Variants in ARSG observed in about 807,000 individuals in gnomAD.
ARSG encodes arylsulfatase G.
ARSG carries 37 observed loss-of-function variants against 50.5 expected under a neutral mutation model. The ratio of observed to expected loss-of-function variants is 0.73; its 90% CI spans 0.56 to 0.96. ARSG has a LOEUF of 0.96. Ranked by LOEUF, ARSG falls within the 50% of genes least tolerant of loss-of-function variation. ARSG has a pLI of 0.00. For synonymous variants in ARSG, 225 were observed against 254.6 expected (o/e 0.88, Z 1.11); for missense variants, 629 against 675.3 (o/e 0.93, Z 0.76).
In ARSG at chr17:68,356,826, G is replaced by A. The variant is rs181029007; in HGVS notation, c.704+22G>A. ...CAAGGTGAGGAGTCTCCCTCCCTCC[G>A]CAGGGCCTCCCCCTGCCTCCACCTA... On this transcript the variant is annotated intron_variant, in intron 6 of 11. Coordinates refer to ENST00000621439, the MANE Select transcript of ARSG (RefSeq NM_001267727.2). 1.3e-3 allele frequency: 2,098 copies of A among 1,613,798 alleles called. 18 individuals carry two copies. The highest frequency in any genetic ancestry group is 4.2e-3 in the East Asian group (188 of 44,868).
chr17:68,317,841 G>A (rs1017902063), intron 2 of ARSG, among the ~76,000 whole-genome samples: 6 of 152,360 alleles, frequency 3.9e-5, no homozygotes, highest in Admixed American at 3.9e-4. Flanking sequence ...GCTCATGCCT[G>A]TAATCCCAGC....
intron 11 of ARSG, among the ~76,000 whole-genome samples, chr17:68,416,770 T>G (rs1342155155): frequency 7.0e-6 from 1 of 143,414 alleles, no homozygotes; most frequent in African/African-American, 2.4e-5. Context: ...GCTGAGACTT[T>G]CCAGAGCATT....
chr17:68,328,614 A>G (rs2077598245), intron 2 of ARSG, among the ~76,000 whole-genome samples: 1 of 152,230 alleles, frequency 6.6e-6, no homozygotes, highest in African/African-American at 2.4e-5. Flanking sequence ...CTCCCCAGCT[A>G]GCTCTGTCGT....
chr17:68,351,764 T>A, intron 5 of ARSG, 78 bp downstream of exon 5: 1 of 927,632 alleles, frequency 1.1e-6, no homozygotes, highest in Non-Finnish European at 1.8e-6. Context: ...AGCAATAAAT[T>A]AAAGATGCAG....
the ARSG span, chr17:68,430,290 C>T: frequency 2.3e-6 from 2 of 879,276 alleles, no homozygotes; most frequent in South Asian, 3.5e-5. Context: ...GCATAATGTT[C>T]TGCCCACTGA....
chr17:68,295,734 C>T (rs1003755859), intron 1 of ARSG, among the ~76,000 whole-genome samples: 133 of 135,316 alleles, frequency 9.8e-4, no homozygotes, highest in Non-Finnish European at 1.5e-3. Context: ...GGCTGGAGTG[C>T]AGTGGCGCGA....
At chr17:68,440,160 G>A in the ARSG span, among the ~76,000 whole-genome samples, 2 of 152,084 alleles carry the variant, frequency 1.3e-5, no homozygotes, top group African/African-American at 2.4e-5. Flanking sequence ...CTCCAGGCTC[G>A]CACCTCTACC....
At chr17:68,434,606 G>C in the ARSG span, 1 of 1,614,046 alleles carries the variant, frequency 6.2e-7, no homozygotes, top group East Asian at 2.2e-5. Context: ...CAGGGACAGA[G>C]AACACCCGGA....
chr17:68,384,937 AAAAGTCATTCCTTTGTTGGGGTTATTGG>A, intron 8 of ARSG, 99 bp from the exon 9 acceptor site: 1 of 696,250 alleles, frequency 1.4e-6, no homozygotes, highest in Non-Finnish European at 2.5e-6. Flanking sequence ...TGGTTACCAA[AAAAGTCATTCCTTTGTTGGGGTTATTGG>A]AAACTCAGAG....
intron 8 of ARSG, among the ~76,000 whole-genome samples, chr17:68,377,281 C>T (rs1045815916): frequency 6.6e-6 from 1 of 152,258 alleles, no homozygotes; most frequent in Non-Finnish European, 1.5e-5. Context: ...CTCTGACCAT[C>T]ACTGGCTCAT....
downstream of ARSG, among the ~76,000 whole-genome samples, chr17:68,423,098 G>A (rs974941916): frequency 5.9e-5 from 9 of 152,264 alleles, no homozygotes; most frequent in East Asian, 1.9e-4. The surrounding 1 kb of genome is among the most constrained non-coding windows in gnomAD (Gnocchi z 4.4). Context: ...ATGTTTGTTC[G>A]TCACTACAAG....
chr17:68,440,539 T>C, the ARSG span, among the ~76,000 whole-genome samples: 1 of 152,242 alleles, frequency 6.6e-6, no homozygotes, highest in Non-Finnish European at 1.5e-5. Flanking sequence ...CAGAGGCTTT[T>C]CACTGTTCTG....
Position 68,271,049 on chromosome 17 carries a change from C to T in ARSG, c.-552+11623C>T. On this transcript the variant is annotated intron_variant, in intron 1 of 11. Transcript: ENST00000448504. This position sits in a 1 kb window ranked among gnomAD's most constrained non-coding sequence, Gnocchi z 5.3. Reference sequence around the variant, plus strand: ...GCAAAAGTAAAGGCAAACAGAGACACAGTCAATAAGATGACGCAGATGAGC... The same window carrying T: ...GCAAAAGTAAAGGCAAACAGAGACATAGTCAATAAGATGACGCAGATGAGC... The T allele has an allele frequency of 6.2e-7, 1 of 1,614,210 alleles. No homozygotes were observed. Among genetic ancestry groups the T allele is most frequent in the Non-Finnish European group, 8.5e-7 (1 of 1,180,048 alleles).
At chr17:68,429,789 A>G in the ARSG span, among the ~76,000 whole-genome samples, 9 of 152,000 alleles carry the variant, frequency 5.9e-5, no homozygotes, top group Non-Finnish European at 1.3e-4. Context: ...GGATTTCACC[A>G]CGTTGGCCAG....
At chr17:68,340,732 A>G (rs1334460527) in intron 2 of ARSG, among the ~76,000 whole-genome samples, 2 of 152,064 alleles carry the variant, frequency 1.3e-5, no homozygotes, top group African/African-American at 4.8e-5. Flanking sequence ...GCAATTAACT[A>G]TTTCTCAAAG....
chr17:68,411,643 C>T (rs1272862054), intron 11 of ARSG, among the ~76,000 whole-genome samples: 1 of 147,620 alleles, frequency 6.8e-6, no homozygotes, highest in Non-Finnish European at 1.5e-5. Flanking sequence ...GTTAGGTCCG[C>T]TTGGTGCAGA....
At chr17:68,377,214 G>A (rs764655471) in intron 8 of ARSG, among the ~76,000 whole-genome samples, 20 of 152,164 alleles carry the variant, frequency 1.3e-4, no homozygotes, top group Non-Finnish European at 2.6e-4. Flanking sequence ...AGGAAACTGA[G>A]GCCAAGGAGA....
In ARSG at chr17:68,271,999, C is replaced by T. The variant is rs552715639; in HGVS notation, c.-552+12573C>T. Among the ~76,000 whole-genome samples the T allele has an allele frequency of 1.1e-4, 16 of 152,276 alleles. No homozygotes were observed. In the South Asian group the frequency reaches 3.3e-3, roughly 32 times the overall value. On this transcript the variant is annotated intron_variant, in intron 1 of 11. Transcript: ENST00000448504. This position sits in a 1 kb window ranked among gnomAD's most constrained non-coding sequence, Gnocchi z 5.3. ...TGTATTTTTAGTAGAGACAGGGTTT[C>T]ACTGTGTTGGCCAGGATGGTCTCGA...
chr17:68,269,673 G>GTTT (rs782421181), intron 1 of ARSG, among the ~76,000 whole-genome samples: 1 of 77,912 alleles, frequency 1.3e-5, no homozygotes, highest in Non-Finnish European at 2.2e-5. Flanking sequence ...TTCACTTTAG[G>GTTT]TTTTTTTTTT....
Sources: allele counts gnomAD v4.1 joint callset (sites outside exome capture counted in the v4.1 genomes callset), GRCh38; gene constraint gnomAD v4.1.1; non-coding constraint Gnocchi (gnomAD v3.1); transcripts MANE v1.5; gene names NCBI Gene and HGNC (gene_info 2026-07-23, HGNC 2026-07-21).